Variants in ZNF521 observed in about 807,000 individuals in gnomAD.
The protein encoded by ZNF521 is LYST-interacting protein 3.
In ZNF521, 14 loss-of-function variants were observed where a neutral mutation model predicts 105.5. The observed-to-expected ratio is 0.13, with a 90% CI of 0.09 to 0.21. The LOEUF (loss-of-function observed/expected upper bound fraction) is 0.21, where lower values mean the gene tolerates loss of function less well. Among genes scored for constraint, ZNF521 ranks in the 10% least tolerant of loss-of-function variants. The pLI, the probability that ZNF521 is intolerant of heterozygous loss-of-function variation, is 1.00. For missense variants in ZNF521, 1,233 were observed against 1,629.7 expected (o/e 0.76, Z 4.19); for synonymous variants, 635 against 606.0 (o/e 1.05, Z -0.70).
At chr18:25,351,481 AAAT>A (rs1914770996) in intron 1 of ZNF521, 5 of 150,530 alleles carry the variant, frequency 3.3e-5, no homozygotes, top group Admixed American at 3.3e-4. Flanking sequence ...GGAAAAAAAC[AAAT>A]AACACTGATT....
chr18:25,305,034 G>A (rs772480032), intron 3 of ZNF521, among the ~76,000 whole-genome samples: 4 of 152,144 alleles, frequency 2.6e-5, no homozygotes, highest in Non-Finnish European at 5.9e-5. Flanking sequence ...TATGTTTGAT[G>A]TGCTGCAAAA....
At chr18:25,192,330 G>A (rs2035832584) in intron 5 of ZNF521, among the ~76,000 whole-genome samples, 1 of 152,076 alleles carries the variant, frequency 6.6e-6, no homozygotes, top group African/African-American at 2.4e-5. Flanking sequence ...TATGTACCTG[G>A]TAGAAACATT....
At chr18:25,118,634 G>C (rs4800208) in intron 5 of ZNF521, among the ~76,000 whole-genome samples, 40,487 of 151,606 alleles carry the variant, frequency 0.27, 6,342 homozygotes, top group Non-Finnish European at 0.35. Flanking sequence ...AAATAATAAG[G>C]CAAAGGGATA....
At chr18:25,319,653 A>C (rs1281379100) in intron 3 of ZNF521, among the ~76,000 whole-genome samples, 3 of 152,150 alleles carry the variant, frequency 2.0e-5, no homozygotes, top group African/African-American at 7.2e-5. Flanking sequence ...GTAGATATTT[A>C]TATAGTATCA....
chr18:25,108,770 G>T (rs369193962), intron 5 of ZNF521, among the ~76,000 whole-genome samples: 2 of 151,454 alleles, frequency 1.3e-5, no homozygotes, highest in Non-Finnish European at 2.9e-5. Flanking sequence ...GACTACAGGC[G>T]TGTGTCACCA....
intron 2 of ZNF521, among the ~76,000 whole-genome samples, chr18:25,332,077 C>CT (rs1913606938): frequency 8.6e-6 from 1 of 116,318 alleles, no homozygotes; most frequent in African/African-American, 3.0e-5. Context: ...TTTTTTCTTT[C>CT]TTTTTCCCCT....
chr18:25,194,179 TAC>T (rs921460679), intron 5 of ZNF521, among the ~76,000 whole-genome samples: 1 of 151,780 alleles, frequency 6.6e-6, no homozygotes, highest in Non-Finnish European at 1.5e-5. Context: ...TTTCCTGTCT[TAC>T]AGAGTTTCAT....
chr18:25,323,540 CA>C (rs771006782), intron 2 of ZNF521, among the ~76,000 whole-genome samples: 125 of 152,140 alleles, frequency 8.2e-4, no homozygotes, highest in Non-Finnish European at 1.3e-3. Context: ...CTCCTGGCCT[CA>C]AGCAATCCTC....
chr18:25,131,000 T>C (rs903902093), intron 5 of ZNF521, among the ~76,000 whole-genome samples: 7 of 152,026 alleles, frequency 4.6e-5, no homozygotes, highest in African/African-American at 1.4e-4. Context: ...ATCCAAAATA[T>C]ATCTTTTTTT....
chr18:25,225,436 A>G lies in ZNF521; in HGVS notation c.2482T>C (p.Leu828=). 1 of 1,614,174 alleles carries G rather than the reference A, an allele frequency of 6.2e-7. No homozygotes were observed. Among genetic ancestry groups the G allele is most frequent in the South Asian group, 1.1e-5 (1 of 91,088 alleles). The change falls in exon 4 of 8, where the codon TTG becomes CTG. Residue 828 remains leucine, a synonymous_variant. Transcript: ENST00000361524. This position sits in a 1 kb window ranked among gnomAD's most constrained non-coding sequence, Gnocchi z 5.6. ...TCGAATACACAGTGTTTTTCTCGCA[A>G]GTGTTTTTCTAACAAAATGATCGCA... The part of the protein sequence containing the change: ...FHAIILLEKH[L]REKHCVFETK...
rs530452569 is a variant in ZNF521, at chr18:25,259,414, T to G, written c.221-31717A>C. Among the ~76,000 whole-genome samples the G allele has an allele frequency of 2.6e-3, 394 of 152,300 alleles. 3 individuals are homozygous for G. Among genetic ancestry groups the G allele is most frequent in the African/African-American group, 8.7e-3 (361 of 41,560 alleles). On this transcript the variant is annotated intron_variant, in intron 3 of 7. Transcript: ENST00000361524. ...TTAAGACTGAGTTATGGTATCAATT[T>G]GCTTCAATCCAACAAATATGTACAC...
chr18:25,274,631 A>G (rs1010058180), intron 3 of ZNF521, among the ~76,000 whole-genome samples: 2 of 152,228 alleles, frequency 1.3e-5, no homozygotes, highest in Non-Finnish European at 1.5e-5. Context: ...ACAAAGTTCA[A>G]TATAGCTGAA....
intron 3 of ZNF521, among the ~76,000 whole-genome samples, chr18:25,261,526 T>C (rs1397188935): frequency 2.0e-5 from 3 of 152,188 alleles, no homozygotes; most frequent in Non-Finnish European, 4.4e-5. Context: ...TTCCTATACT[T>C]ATGAATAGTT....
rs1433902302 is a variant in ZNF521 at position 25,062,496 on chromosome 18, G to T, written c.*216C>A. On this transcript the variant is annotated 3_prime_UTR_variant, in exon 8 of 8. Transcript: ENST00000361524. ...TTATAAGACCATTTTAGTATCAGAC[G>T]ACATAATACATGTGCAACACTTTAT... 2 of 537,384 alleles carry T rather than the reference G, an allele frequency of 3.7e-6. No individual in the cohort carries two copies. The highest frequency in any genetic ancestry group is 3.0e-5 in the South Asian group (1 of 32,790). 33.3% of individuals were successfully genotyped at this position (537,384 alleles called of 1,614,324 possible).
intron 5 of ZNF521, among the ~76,000 whole-genome samples, chr18:25,096,356 A>G (rs2033851429): frequency 6.6e-6 from 1 of 152,176 alleles, no homozygotes; most frequent in Non-Finnish European, 1.5e-5. Flanking sequence ...TATACCTCCA[A>G]TTTATAAAAC....
chr18:25,290,701 C>T (rs931589692), intron 3 of ZNF521, among the ~76,000 whole-genome samples: 1 of 150,318 alleles, frequency 6.7e-6, no homozygotes, highest in Non-Finnish European at 1.5e-5. Context: ...ACCTCCACCT[C>T]CCGGGTTCAA....
intron 2 of ZNF521, among the ~76,000 whole-genome samples, chr18:25,350,624 TTC>T (rs528464236): frequency 1.1e-4 from 16 of 151,700 alleles, no homozygotes; most frequent in Admixed American, 5.2e-4. Context: ...TTTCGTTTCT[TTC>T]TCTCTCTCTC....
intron 5 of ZNF521, among the ~76,000 whole-genome samples, chr18:25,174,853 T>C (rs371827301): frequency 6.6e-6 from 1 of 152,238 alleles, no homozygotes; most frequent in African/African-American, 2.4e-5. Context: ...CATTAATTTC[T>C]AAAGAGTGTT....
intron 5 of ZNF521, among the ~76,000 whole-genome samples, chr18:25,177,153 A>C (rs958494370): frequency 1.3e-5 from 2 of 152,008 alleles, no homozygotes; most frequent in African/African-American, 4.8e-5. Context: ...AACTTACCCT[A>C]TTTTATGACT....
Sources: allele counts gnomAD v4.1 joint callset (sites outside exome capture counted in the v4.1 genomes callset), GRCh38; gene constraint gnomAD v4.1.1; non-coding constraint Gnocchi (gnomAD v3.1); transcripts MANE v1.5; gene names NCBI Gene and HGNC (gene_info 2026-07-23, HGNC 2026-07-21).